KCNT2: variants seen among roughly 807,000 people sequenced by gnomAD.
KCNT2 encodes the protein potassium channel subfamily T member 2.
Under a neutral mutation model 153.8 loss-of-function variants are expected in KCNT2, and 67 were observed. That is an observed-to-expected ratio of 0.44 (90% CI 0.36 to 0.53). The LOEUF is 0.53. Among genes scored for constraint, KCNT2 ranks in the 20% least tolerant of loss-of-function variants. The probability of loss-of-function intolerance (pLI) is 0.00; values close to 1 mark genes in which losing one functional copy is unlikely to be tolerated. For synonymous variants in KCNT2, 500 were observed against 458.8 expected (o/e 1.09, Z -1.15); for missense variants, 975 against 1,354.8 (o/e 0.72, Z 4.40).
Position 196,423,054 on chromosome 1 carries a change from G to A in KCNT2, c.1181C>T (p.Ser394Leu). Residue 394 changes from serine to leucine, a missense_variant, in exon 12 of 28, where the codon TCA becomes TTA. Physicochemically the swap from Ser to Leu is moderately radical, Grantham distance 145 (BLOSUM62 -2). Coordinates refer to ENST00000294725, the MANE Select transcript of KCNT2 (RefSeq NM_198503.5). ...LSSRCEVDRTSSDHQTILRAW... is the reference protein window; with the variant it reads ...LSSRCEVDRTLSDHQTILRAW... The stretch of plus-strand genomic sequence containing the variant: ...AAAAAGATTTTAGAAACTTACAGAT[G>A]ATGTCCTATCCACTTCACAACGGCT... The A allele has an allele frequency of 6.3e-7, 1 of 1,577,688 alleles. No individual in the cohort carries two copies. The highest frequency in any genetic ancestry group is 8.6e-7 in the Non-Finnish European group (1 of 1,157,144).
intron 14 of KCNT2, among the ~76,000 whole-genome samples, chr1:196,370,717 A>T (rs940157711): frequency 1.4e-4 from 22 of 152,156 alleles, no homozygotes; most frequent in African/African-American, 5.3e-4. Context: ...TATAGACGCA[A>T]GAAAATGAAA....
chr1:196,542,781 T>C (rs1656561039), intron 1 of KCNT2, among the ~76,000 whole-genome samples: 1 of 152,134 alleles, frequency 6.6e-6, no homozygotes, highest in Admixed American at 6.6e-5. Context: ...ATAAGATACC[T>C]GCTCCTCCTC....
At chr1:196,333,826 C>A in intron 17 of KCNT2, 21 bp downstream of exon 17, 1 of 1,446,482 alleles carries the variant, frequency 6.9e-7, no homozygotes. Flanking sequence ...TAATCTTACA[C>A]CTTAGAGTAT....
rs552285892 is a variant in KCNT2 at position 196,251,847 on chromosome 1, C to G, written c.3211+6347G>C. Among the ~76,000 whole-genome samples the G allele has an allele frequency of 1.1e-4, 16 of 151,982 alleles. No homozygotes were observed. In the South Asian group the frequency reaches 3.3e-3, roughly 32 times the overall value. ...ATTATTATGCATTATTTGCCTTTATCAAAAGACCTCATGTACCACGTAAAT... is the reference window on the plus strand; with the variant it reads ...ATTATTATGCATTATTTGCCTTTATGAAAAGACCTCATGTACCACGTAAAT... On this transcript the variant is annotated intron_variant, in intron 26 of 27. Transcript: ENST00000294725.
At chr1:196,519,116 A>C (rs1653002047) in intron 1 of KCNT2, among the ~76,000 whole-genome samples, 1 of 152,206 alleles carries the variant, frequency 6.6e-6, no homozygotes, top group East Asian at 1.9e-4. Context: ...CACAATAAAA[A>C]TTAAAATCAA....
chr1:196,333,291 A>G (rs1429503320), intron 17 of KCNT2, among the ~76,000 whole-genome samples: 1 of 152,120 alleles, frequency 6.6e-6, no homozygotes, highest in Non-Finnish European at 1.5e-5. Context: ...CAATGTGATT[A>G]ATACTATATA....
intron 14 of KCNT2, among the ~76,000 whole-genome samples, chr1:196,348,792 G>C (rs964529342): frequency 6.6e-6 from 1 of 152,114 alleles, no homozygotes; most frequent in African/African-American, 2.4e-5. Flanking sequence ...TTGGGAGGCT[G>C]AGGAGGGTGG....
chr1:196,425,147 C>G lies in KCNT2; in HGVS notation c.1121+705G>C, dbSNP rs550772384. Among the ~76,000 whole-genome samples the G allele has an allele frequency of 5.9e-5, 9 of 152,032 alleles. No individual in the cohort carries two copies. In the East Asian group the frequency reaches 1.4e-3, roughly 23 times the overall value. ...CTTCTGGCATCTGAAACTAAGGAGA[C>G]TGTTTTGCAGAAACTCTGTTTCTGT... On this transcript the variant is annotated intron_variant, in intron 11 of 27. Transcript: ENST00000294725.
intron 12 of KCNT2, among the ~76,000 whole-genome samples, chr1:196,399,222 C>A (rs1340332273): frequency 1.3e-5 from 2 of 151,150 alleles, no homozygotes; most frequent in Admixed American, 6.6e-5. Flanking sequence ...GAAAAGGAAT[C>A]AAAACCATGC....
At chr1:196,590,624 T>C (rs1057021559) in intron 1 of KCNT2, among the ~76,000 whole-genome samples, 1 of 151,958 alleles carries the variant, frequency 6.6e-6, no homozygotes, top group Non-Finnish European at 1.5e-5. Flanking sequence ...GGTGAGGAGG[T>C]TGGGGTGGGC....
chr1:196,570,651 G>A (rs1176328051), intron 1 of KCNT2, among the ~76,000 whole-genome samples: 1 of 152,058 alleles, frequency 6.6e-6, no homozygotes, highest in East Asian at 1.9e-4. Flanking sequence ...CAGCAGATTA[G>A]GGTGCTATAC....
At chr1:196,555,682 G>C (rs952009367) in intron 1 of KCNT2, among the ~76,000 whole-genome samples, 1 of 150,882 alleles carries the variant, frequency 6.6e-6, no homozygotes, top group African/African-American at 2.4e-5. Context: ...AAAACACCCA[G>C]ATAGCAAAGG....
chr1:196,528,468 G>C (rs1572732827), intron 1 of KCNT2, among the ~76,000 whole-genome samples: 1 of 152,056 alleles, frequency 6.6e-6, no homozygotes, highest in East Asian at 1.9e-4. Flanking sequence ...GAATCAAGTA[G>C]AAATGGCATG....
At chr1:196,391,444 T>C (rs1435142619) in intron 13 of KCNT2, among the ~76,000 whole-genome samples, 1 of 151,466 alleles carries the variant, frequency 6.6e-6, no homozygotes, top group Non-Finnish European at 1.5e-5. Flanking sequence ...TGATAGAATA[T>C]GTCTGGCACT....
intron 23 of KCNT2, among the ~76,000 whole-genome samples, chr1:196,284,693 A>T (rs1659495310): frequency 6.6e-6 from 1 of 152,082 alleles, no homozygotes; most frequent in Non-Finnish European, 1.5e-5. Context: ...ATATGTCTGG[A>T]AACTTTAGGG....
intron 27 of KCNT2, among the ~76,000 whole-genome samples, chr1:196,235,641 G>A (rs1230363972): frequency 4.0e-5 from 6 of 151,246 alleles, no homozygotes; most frequent in African/African-American, 1.5e-4. Context: ...TTGGCTTTTG[G>A]GAAGTTGAAG....
At chr1:196,574,878 G>GTC (rs1013939639) in intron 1 of KCNT2, among the ~76,000 whole-genome samples, 2 of 151,804 alleles carry the variant, frequency 1.3e-5, no homozygotes, top group Non-Finnish European at 2.9e-5. Flanking sequence ...AGAGTTTTGA[G>GTC]TCTCTCTCTC....
chr1:196,491,641 G>A (rs563588468), intron 2 of KCNT2, among the ~76,000 whole-genome samples: 1 of 151,960 alleles, frequency 6.6e-6, no homozygotes, highest in Admixed American at 6.6e-5. Context: ...CCTTGAATAG[G>A]CTCAGGAGGA....
intron 1 of KCNT2, among the ~76,000 whole-genome samples, chr1:196,596,088 ATATATATATAT>A (rs1300712798): frequency 9.2e-6 from 1 of 108,966 alleles, no homozygotes; most frequent in African/African-American, 3.4e-5. Context: ...ATATATATAT[ATATATATATAT>A]ATCACATTTT....
Sources: gnomAD v4.1 joint callset for allele counts (sites outside exome capture counted in the v4.1 genomes callset) on GRCh38, gnomAD v4.1.1 for gene constraint, MANE v1.5 for transcripts, NCBI Gene and HGNC (gene_info 2026-07-23, HGNC 2026-07-21) for gene names.